ANKS1B: variants seen among roughly 807,000 people sequenced by gnomAD.
ANKS1B encodes the protein ankyrin repeat and sterile alpha motif domain containing 1B.
A neutral mutation model predicts 148.3 loss-of-function variants in ANKS1B; 36 were observed. The ratio of observed to expected loss-of-function variants is 0.24; its 90% CI spans 0.19 to 0.32. The LOEUF (loss-of-function observed/expected upper bound fraction) is 0.32. Ranked by LOEUF, ANKS1B falls within the 10% of genes least tolerant of loss-of-function variation. ANKS1B has a pLI of 1.00. For synonymous variants in ANKS1B, 542 were observed against 560.8 expected, an observed-to-expected ratio of 0.97 and a Z score of 0.47; for missense variants, 1,157 against 1,542.6, an observed-to-expected ratio of 0.75 and a Z score of 4.19.
chr12:99,273,966 T>A (rs538136062), intron 12 of ANKS1B, among the ~76,000 whole-genome samples: 15 of 152,202 alleles, frequency 9.9e-5, no homozygotes, highest in African/African-American at 2.9e-4. Flanking sequence ...GTCCAATGTG[T>A]CCCAGGGAAG....
chr12:98,764,253 G>T (rs1400110710), intron 25 of ANKS1B, among the ~76,000 whole-genome samples: 1 of 152,196 alleles, frequency 6.6e-6, no homozygotes, highest in Non-Finnish European at 1.5e-5. Flanking sequence ...TCAAGACAGG[G>T]TCTCACTGTG....
rs143066914 is a variant in ANKS1B, at chr12:99,358,241, A to C, written c.1756+41390T>G. On this transcript the variant is annotated intron_variant, in intron 12 of 26. Transcript: ENST00000683438. Reference sequence around the variant, plus strand: ...TTATAATTAGTTGCATGATTTTATTACTAGACATTCTCCCCCATGTAGAAG... The same window carrying C: ...TTATAATTAGTTGCATGATTTTATTCCTAGACATTCTCCCCCATGTAGAAG... Among the ~76,000 whole-genome samples, 8 of 152,240 alleles carry C rather than the reference A, an allele frequency of 5.3e-5. No homozygotes were observed. The East Asian group carries it at 1.3e-3, about 26-fold the overall frequency.
chr12:99,904,679 G>A (rs1198041792), intron 1 of ANKS1B, among the ~76,000 whole-genome samples: 2 of 152,070 alleles, frequency 1.3e-5, no homozygotes, highest in African/African-American at 4.8e-5. Flanking sequence ...AACCATAATG[G>A]AGCATCTGCA....
At position 99,504,530 on chromosome 12, in the gene ANKS1B, C is replaced by G; in HGVS notation, c.1384G>C (p.Val462Leu). The G allele has an allele frequency of 1.2e-6, 2 of 1,612,722 alleles. No individual in the cohort carries two copies. The highest frequency in any genetic ancestry group is 1.7e-6 in the Non-Finnish European group (2 of 1,179,434). ...NFLCDLMDTA[V>L]TKKPCSLEIA... Reference sequence around the variant, plus strand: ...TCTAAGGAGCAAGGTTTCTTTGTAACAGCTGTGTCCATGAGATCACACAGA... The same window carrying G: ...TCTAAGGAGCAAGGTTTCTTTGTAAGAGCTGTGTCCATGAGATCACACAGA... Residue 462 changes from valine to leucine, a missense_variant, in exon 10 of 27, where the codon GTT (valine) becomes CTT (leucine). Physicochemically the swap from Val to Leu is conservative, Grantham distance 32 (BLOSUM62 1). Around this residue, in one of 6 missense-constraint regions of ANKS1B, gnomAD observed 661 missense variants for 642.1 expected, o/e 1.03. Coordinates refer to ENST00000683438, the MANE Select transcript of ANKS1B (RefSeq NM_001352186.2).
chr12:99,547,279 ATGT>A (rs1221616467), intron 9 of ANKS1B, among the ~76,000 whole-genome samples: 1 of 152,098 alleles, frequency 6.6e-6, no homozygotes, highest in African/African-American at 2.4e-5. Flanking sequence ...AGGAGATAAC[ATGT>A]GGGAAATGCC....
chr12:99,348,380 G>C (rs2091006235), intron 12 of ANKS1B, among the ~76,000 whole-genome samples: 1 of 151,130 alleles, frequency 6.6e-6, no homozygotes, highest in South Asian at 2.1e-4. Context: ...CTTAAAAAAA[G>C]ACAAAAAAAT....
In ANKS1B at chr12:99,741,819, C is replaced by G. The variant is rs189667136; in HGVS notation, c.1128+31103G>C. On this transcript the variant is annotated intron_variant, in intron 8 of 26. Transcript: ENST00000683438. ...ATGAGAGATTGATGGGTGCAGCAAA[C>G]TACCATGACACAGGTATACCCATGT... 1.7e-3 allele frequency among the ~76,000 whole-genome samples: 252 copies of G among 152,074 alleles called. 1 individual carries two copies. The highest frequency in any genetic ancestry group is 3.4e-3 in the Middle Eastern group (1 of 294).
intron 12 of ANKS1B, among the ~76,000 whole-genome samples, chr12:99,386,503 A>G (rs958857266): frequency 6.6e-6 from 1 of 152,120 alleles, no homozygotes; most frequent in Non-Finnish European, 1.5e-5. Context: ...AAAAAAAGCC[A>G]TGCTATGCTT....
intron 12 of ANKS1B, among the ~76,000 whole-genome samples, chr12:99,366,113 C>T (rs2092752224): frequency 6.6e-6 from 1 of 152,188 alleles, no homozygotes; most frequent in Non-Finnish European, 1.5e-5. Flanking sequence ...TCTCTAGACT[C>T]CCAAATCAGC....
downstream of ANKS1B, among the ~76,000 whole-genome samples, chr12:98,742,610 C>T (rs537459416): frequency 4.6e-5 from 7 of 152,342 alleles, no homozygotes; most frequent in African/African-American, 1.7e-4. Context: ...CTGGTTGGCA[C>T]CAAGGTCTCA....
intron 15 of ANKS1B, among the ~76,000 whole-genome samples, chr12:99,144,711 G>T (rs1346151810): frequency 6.6e-6 from 1 of 151,940 alleles, no homozygotes; most frequent in Non-Finnish European, 1.5e-5. Flanking sequence ...TGGAGATAGG[G>T]TCTTTACAGA....
In ANKS1B at chr12:98,744,108, C is replaced by CTT. The variant is rs550731204; in HGVS notation, c.*1629_*1630dup. ...TCTGTTTCAGCAAAGCTCCTATTAACTTTGCTCCTATACAATTGCCTCCTG... is the reference window on the plus strand; with the variant it reads ...TCTGTTTCAGCAAAGCTCCTATTAACTTTTTGCTCCTATACAATTGCCTCCTG... On this transcript the variant is annotated 3_prime_UTR_variant, in exon 27 of 27. Transcript: ENST00000683438. 262 of 985,558 alleles carry CTT rather than the reference C, an allele frequency of 2.7e-4. No homozygotes were observed. In the African/African-American group the frequency reaches 4.2e-3, roughly 16 times the overall value. 61.1% of individuals were successfully genotyped at this position (985,558 alleles called of 1,614,324 possible). A position where few individuals can be genotyped will look rare whatever the true frequency, so the allele number is the denominator to read the frequency against.
chr12:99,816,780 GTAA>G (rs1307326540), intron 2 of ANKS1B, among the ~76,000 whole-genome samples: 2 of 151,508 alleles, frequency 1.3e-5, no homozygotes, highest in Non-Finnish European at 3.0e-5. Flanking sequence ...TATATCCAAA[GTAA>G]TATGAACTAA....
intron 22 of ANKS1B, chr12:98,794,943 G>C (rs181560644): frequency 7.6e-4 from 960 of 1,257,014 alleles, no homozygotes; most frequent in Non-Finnish European, 1.0e-3. Context: ...AGCTACAAGA[G>C]GATGTGGACA....
rs539320743 is a variant in ANKS1B at position 98,990,044 on chromosome 12, AAAAG to A, written c.2778+63109_2778+63112del. On this transcript the variant is annotated intron_variant, in intron 17 of 26. Transcript: ENST00000683438. ...AGAAAAAGAAAGAAAAACAGAAAGA[AAAAG>A]AAAGAAAGTCATTGGTATTTTGGTA... Among the ~76,000 whole-genome samples, 501 of 152,262 alleles carry A rather than the reference AAAAG, an allele frequency of 3.3e-3. 2 individuals carry two copies. Among genetic ancestry groups the A allele is most frequent in the African/African-American group, 0.011 (449 of 41,562 alleles).
At chr12:99,840,897 A>C (rs2085629895) in intron 1 of ANKS1B, among the ~76,000 whole-genome samples, 1 of 152,154 alleles carries the variant, frequency 6.6e-6, no homozygotes, top group South Asian at 2.1e-4. Context: ...GTAGGGCACC[A>C]CCATTTAGTA....
At chr12:99,686,400 A>G (rs2098649566) in intron 8 of ANKS1B, among the ~76,000 whole-genome samples, 1 of 152,188 alleles carries the variant, frequency 6.6e-6, no homozygotes, top group Non-Finnish European at 1.5e-5. Flanking sequence ...ATTGTAGCCA[A>G]TCAGATGGTT....
intron 17 of ANKS1B, among the ~76,000 whole-genome samples, chr12:98,905,707 G>A (rs1335661524): frequency 6.6e-6 from 1 of 152,076 alleles, no homozygotes; most frequent in Non-Finnish European, 1.5e-5. Flanking sequence ...AGGAAGTTGA[G>A]GCTGTAGTGA....
chr12:98,761,292 G>A (rs980305734), intron 25 of ANKS1B, among the ~76,000 whole-genome samples: 20 of 152,370 alleles, frequency 1.3e-4, no homozygotes, highest in Admixed American at 1.2e-3. Context: ...AAATGTTGGT[G>A]AAGACATTAT....
Sources: gnomAD v4.1 joint callset for allele counts (sites outside exome capture counted in the v4.1 genomes callset) on GRCh38, gnomAD v4.1.1 for gene constraint, gnomAD v4.1.1 regional missense constraint, MANE v1.5 for transcripts, NCBI Gene and HGNC (gene_info 2026-07-23, HGNC 2026-07-21) for gene names.